COMMD10: variants seen among roughly 807,000 people sequenced by gnomAD.
COMMD10 encodes COMM domain containing 10, also known as COMM domain-containing protein 10.
Under a neutral mutation model 28.9 loss-of-function variants are expected in COMMD10, and 33 were observed. That is an observed-to-expected ratio of 1.14 (90% CI 0.87 to 1.53). COMMD10 has a LOEUF of 1.53. COMMD10 is among the 40% of genes most tolerant of loss of function. The pLI is 0.00. For missense variants in COMMD10, 310 were observed against 233.4 expected (o/e 1.33, Z -2.14); for synonymous variants, 110 against 81.7 (o/e 1.35, Z -1.87).
At position 116,114,527 on chromosome 5, in the gene COMMD10, C is replaced by T. The variant is rs557589999; in HGVS notation, c.400-19541C>T. Among the ~76,000 whole-genome samples, 3 of 152,182 alleles carry T rather than the reference C, an allele frequency of 2.0e-5. No homozygotes were observed. In the South Asian group the frequency reaches 6.2e-4, roughly 32 times the overall value. On this transcript the variant is annotated intron_variant, in intron 4 of 6. Coordinates refer to ENST00000274458, the MANE Select transcript of COMMD10 (RefSeq NM_016144.4). The stretch of plus-strand genomic sequence containing the variant: ...TCCCCTGGGAGAAGTGCTTGGGTGT[C>T]TCAGGCAGTGGGCTGGACTGTGGGA...
chr5:116,141,008 A>G (rs372126443), intron 5 of COMMD10, among the ~76,000 whole-genome samples: 2 of 151,762 alleles, frequency 1.3e-5, no homozygotes, highest in East Asian at 1.9e-4. Flanking sequence ...TCAGACTAGG[A>G]TGAACATCAA....
intron 5 of COMMD10, among the ~76,000 whole-genome samples, chr5:116,246,647 C>T (rs529925997): frequency 1.3e-5 from 2 of 151,928 alleles, no homozygotes; most frequent in East Asian, 3.9e-4. Flanking sequence ...AGACACATAG[C>T]CTAATGGAAC....
chr5:116,173,961 G>C (rs1753421504), intron 5 of COMMD10, among the ~76,000 whole-genome samples: 1 of 151,300 alleles, frequency 6.6e-6, no homozygotes, highest in Non-Finnish European at 1.5e-5. Context: ...TATACTTCCA[G>C]GTATTGAAGA....
chr5:116,218,455 C>T (rs1318019755), intron 5 of COMMD10, among the ~76,000 whole-genome samples: 1 of 152,102 alleles, frequency 6.6e-6, no homozygotes, highest in African/African-American at 2.4e-5. Flanking sequence ...CTATTGTGTA[C>T]ATTTAAGTTG....
chr5:116,092,774 A>C, intron 4 of COMMD10, 74 bp downstream of exon 4: 5 of 1,129,698 alleles, frequency 4.4e-6, no homozygotes, highest in Non-Finnish European at 6.0e-6. Context: ...AGAGTTTTTA[A>C]AGTGATAATA....
chr5:116,247,303 A>G (rs1749980183), intron 5 of COMMD10, among the ~76,000 whole-genome samples: 1 of 152,066 alleles, frequency 6.6e-6, no homozygotes, highest in Non-Finnish European at 1.5e-5. Context: ...TTATTATTAA[A>G]AAGTCAAAAA....
intron 5 of COMMD10, among the ~76,000 whole-genome samples, chr5:116,277,262 A>G (rs1750942899): frequency 6.6e-6 from 1 of 151,906 alleles, no homozygotes; most frequent in Non-Finnish European, 1.5e-5. Flanking sequence ...TTATAGAAAT[A>G]TATCAACTCA....
intron 5 of COMMD10, among the ~76,000 whole-genome samples, chr5:116,258,324 T>C (rs2112682624): frequency 6.6e-6 from 1 of 151,804 alleles, no homozygotes; most frequent in East Asian, 1.9e-4. Flanking sequence ...TATCCTAGAA[T>C]GCTTTTGTAT....
At chr5:116,095,133 A>C (rs960684081) in intron 4 of COMMD10, among the ~76,000 whole-genome samples, 1 of 152,194 alleles carries the variant, frequency 6.6e-6, no homozygotes, top group African/African-American at 2.4e-5. Flanking sequence ...TATAGTTGAC[A>C]TCAATATATT....
At chr5:116,262,413 T>C (rs1004679171) in intron 5 of COMMD10, among the ~76,000 whole-genome samples, 2 of 151,762 alleles carry the variant, frequency 1.3e-5, no homozygotes, top group African/African-American at 4.9e-5. Flanking sequence ...AGAGGATTTA[T>C]AGGTGATGTG....
intron 5 of COMMD10, among the ~76,000 whole-genome samples, chr5:116,282,125 T>C (rs1367091100): frequency 6.6e-6 from 1 of 151,872 alleles, no homozygotes; most frequent in Non-Finnish European, 1.5e-5. Flanking sequence ...CTGCAGCTCT[T>C]AAGAATTTCT....
chr5:116,166,473 G>A (rs190838136), intron 5 of COMMD10, among the ~76,000 whole-genome samples: 6 of 152,140 alleles, frequency 3.9e-5, no homozygotes, highest in South Asian at 2.1e-4. Flanking sequence ...AATGCTGTGC[G>A]TTTAGCCCTC....
At chr5:116,133,586 A>T (rs1435754691) in intron 4 of COMMD10, among the ~76,000 whole-genome samples, 2 of 152,166 alleles carry the variant, frequency 1.3e-5, no homozygotes, top group Non-Finnish European at 2.9e-5. Context: ...TTCCCTCTAA[A>T]TTAAAAAGAA....
At chr5:116,207,974 C>T (rs934276939) in intron 5 of COMMD10, among the ~76,000 whole-genome samples, 3 of 152,056 alleles carry the variant, frequency 2.0e-5, no homozygotes, top group East Asian at 3.9e-4. Context: ...TATGGAGTTG[C>T]GGTTTAGTAG....
At chr5:116,245,710 C>CAA (rs1561389745) in intron 5 of COMMD10, among the ~76,000 whole-genome samples, 2 of 152,140 alleles carry the variant, frequency 1.3e-5, no homozygotes, top group Admixed American at 6.5e-5. Flanking sequence ...AAATGTCATT[C>CAA]ATCACATAAG....
intron 5 of COMMD10, among the ~76,000 whole-genome samples, chr5:116,142,302 C>A (rs1005642319): frequency 3.3e-5 from 5 of 151,640 alleles, no homozygotes; most frequent in Non-Finnish European, 5.9e-5. Flanking sequence ...CTTAATAATT[C>A]TTACCCTGTC....
At chr5:116,147,075 G>C (rs937714006) in intron 5 of COMMD10, among the ~76,000 whole-genome samples, 1 of 151,704 alleles carries the variant, frequency 6.6e-6, no homozygotes, top group African/African-American at 2.4e-5. Flanking sequence ...TGATGAGTCT[G>C]GTTTGGGTGT....
chr5:116,147,698 G>A (rs1365016285), intron 5 of COMMD10, among the ~76,000 whole-genome samples: 1 of 151,458 alleles, frequency 6.6e-6, no homozygotes, highest in Non-Finnish European at 1.5e-5. Flanking sequence ...AGAAATTCTT[G>A]TTTATTTCAT....
chr5:116,261,574 C>G (rs1325657877), intron 5 of COMMD10, among the ~76,000 whole-genome samples: 1 of 151,796 alleles, frequency 6.6e-6, no homozygotes, highest in Non-Finnish European at 1.5e-5. Flanking sequence ...AGTGCACTTA[C>G]TTGACATCTT....
Sources: allele counts gnomAD v4.1 joint callset (sites outside exome capture counted in the v4.1 genomes callset), GRCh38; gene constraint gnomAD v4.1.1; transcripts MANE v1.5; gene names NCBI Gene and HGNC (gene_info 2026-07-23, HGNC 2026-07-21).